XRCC4: variants seen among roughly 807,000 people sequenced by gnomAD.
The protein encoded by XRCC4 is DNA repair protein XRCC4.
In XRCC4, 28 loss-of-function variants were observed where a neutral mutation model predicts 39.1. The observed-to-expected ratio is 0.72, with a 90% CI of 0.53 to 0.98. The LOEUF (loss-of-function observed/expected upper bound fraction) is 0.98. Ranked by LOEUF, XRCC4 falls within the 50% of genes least tolerant of loss-of-function variation. The pLI is 0.00. For missense variants in XRCC4, 350 were observed against 376.4 expected (o/e 0.93, Z 0.58); for synonymous variants, 123 against 126.4 (o/e 0.97, Z 0.18).
chr5:83,204,842 T>C lies in XRCC4; in HGVS notation c.666T>C (p.Thr222=). The change falls in exon 6 of 8, where the codon ACT becomes ACC. Residue 222 remains threonine (T), a synonymous_variant. Transcript: ENST00000396027. ...EGETAICSEM[T]ADRDPVYDES... is the part of the protein sequence containing the mutation. Reference sequence around the variant, plus strand: ...AAACTGCAATCTGTTCTGAAATGACTGCTGACCGAGATCCAGTCTATGATG... The same window carrying C: ...AAACTGCAATCTGTTCTGAAATGACCGCTGACCGAGATCCAGTCTATGATG... 6.2e-7 allele frequency: 1 copy of C among 1,612,178 alleles called. No individual in the cohort carries two copies.
rs1444161703 is a variant in XRCC4, at chr5:83,339,989, TG to T, written c.894-13140del. On this transcript the variant is annotated intron_variant, in intron 7 of 7. Coordinates refer to ENST00000396027, the MANE Select transcript of XRCC4 (RefSeq NM_003401.5). ...CCCACAATAGACACTCAATAAATAG[TG>T]GATGGGGAAGTGATAGATGATAGTG... Among the ~76,000 whole-genome samples, 9 of 152,194 alleles carry T rather than the reference TG, an allele frequency of 5.9e-5. No homozygotes were observed. The East Asian group carries it at 1.7e-3, about 29-fold the overall frequency.
At chr5:83,330,900 CAT>C (rs145164959) in intron 7 of XRCC4, among the ~76,000 whole-genome samples, 2,550 of 152,034 alleles carry the variant, frequency 0.017, 69 homozygotes, top group African/African-American at 0.059. Flanking sequence ...TTTTGACTAA[CAT>C]AGGCAAACAG....
At chr5:83,327,589 A>C (rs994200810) in intron 7 of XRCC4, among the ~76,000 whole-genome samples, 2 of 152,068 alleles carry the variant, frequency 1.3e-5, no homozygotes, top group Non-Finnish European at 2.9e-5. Context: ...TATGTATATA[A>C]AATTTTCAAA....
At chr5:83,360,845 A>G in the XRCC4 span, among the ~76,000 whole-genome samples, 2 of 151,638 alleles carry the variant, frequency 1.3e-5, no homozygotes, top group African/African-American at 4.8e-5. Flanking sequence ...CTTGCTACCA[A>G]AAGCCACTGA....
At chr5:83,346,876 C>A (rs1005872392) in intron 7 of XRCC4, among the ~76,000 whole-genome samples, 22 of 152,078 alleles carry the variant, frequency 1.4e-4, no homozygotes, top group Non-Finnish European at 4.4e-5. Flanking sequence ...ATTAAGAACA[C>A]CCAAGTTTCT....
chr5:83,277,964 A>C (rs2112945493), intron 7 of XRCC4, among the ~76,000 whole-genome samples: 1 of 152,378 alleles, frequency 6.6e-6, no homozygotes, highest in Non-Finnish European at 1.5e-5. Flanking sequence ...AAAGCATTTA[A>C]TATTTTGTTT....
intron 3 of XRCC4, among the ~76,000 whole-genome samples, chr5:83,157,658 G>A (rs1162853312): frequency 6.6e-6 from 1 of 152,022 alleles, no homozygotes; most frequent in Non-Finnish European, 1.5e-5. Context: ...AGAAAGAAAA[G>A]AGTTGTTGGA....
At chr5:83,234,961 A>G (rs1336016622) in intron 6 of XRCC4, among the ~76,000 whole-genome samples, 3 of 151,620 alleles carry the variant, frequency 2.0e-5, no homozygotes, top group African/African-American at 7.2e-5. Flanking sequence ...TATGGTATCT[A>G]TCACATACTT....
At chr5:83,269,708 G>A (rs1296262800) in intron 7 of XRCC4, among the ~76,000 whole-genome samples, 1 of 151,984 alleles carries the variant, frequency 6.6e-6, no homozygotes. Flanking sequence ...TAATAAATAG[G>A]CCTTTTGTAT....
intron 6 of XRCC4, among the ~76,000 whole-genome samples, chr5:83,206,081 G>A (rs1340779162): frequency 5.3e-5 from 8 of 152,102 alleles, no homozygotes; most frequent in Admixed American, 5.2e-4. Flanking sequence ...GGGCGATATA[G>A]GCTACCATTA....
intron 6 of XRCC4, among the ~76,000 whole-genome samples, chr5:83,254,273 C>T (rs556389423): frequency 1.3e-5 from 2 of 152,188 alleles, no homozygotes; most frequent in Admixed American, 1.3e-4. Context: ...AACTTGCAAG[C>T]TGATTTAACA....
intron 1 of XRCC4, among the ~76,000 whole-genome samples, chr5:83,096,798 CAG>C (rs920958698): frequency 2.0e-5 from 3 of 152,152 alleles, no homozygotes; most frequent in African/African-American, 7.2e-5. Flanking sequence ...ATCTGAATGA[CAG>C]AACACTAAGG....
chr5:83,367,373 A>T, the XRCC4 span, among the ~76,000 whole-genome samples: 1 of 152,204 alleles, frequency 6.6e-6, no homozygotes, highest in Non-Finnish European at 1.5e-5. Flanking sequence ...TTAATTTTAA[A>T]TATTCAAAAT....
intron 6 of XRCC4, among the ~76,000 whole-genome samples, chr5:83,256,308 A>G (rs866587387): frequency 5.9e-5 from 9 of 152,242 alleles, no homozygotes; most frequent in South Asian, 2.1e-4. Flanking sequence ...ATTATAATAC[A>G]TGAGGTAATC....
At position 83,262,459 on chromosome 5, in the gene XRCC4, G is replaced by T. The variant is rs75424853; in HGVS notation, c.893+3782G>T. Among the ~76,000 whole-genome samples the T allele has an allele frequency of 8.2e-3, 1,253 of 152,076 alleles. 25 individuals carry two copies. The highest frequency in any genetic ancestry group is 0.029 in the African/African-American group (1,189 of 41,504). On this transcript the variant is annotated intron_variant, in intron 7 of 7. Coordinates refer to ENST00000396027, the MANE Select transcript of XRCC4 (RefSeq NM_003401.5). ...TATTTTATCTGAGAACCACTTTTTT[G>T]GGGGGTGGGGAAGCTTTCCTTTTAT... is the stretch of plus-strand genomic sequence containing the variant.
At chr5:83,318,254 G>A (rs200120758) in intron 7 of XRCC4, among the ~76,000 whole-genome samples, 42,442 of 109,854 alleles carry the variant, frequency 0.39, 9,943 homozygotes, top group East Asian at 0.85. Flanking sequence ...TATCATACTG[G>A]ATGGGCAAAA....
intron 1 of XRCC4, among the ~76,000 whole-genome samples, chr5:83,078,153 A>C (rs28383121): frequency 6.6e-6 from 1 of 152,370 alleles, no homozygotes; most frequent in East Asian, 1.9e-4. Context: ...AAAGAGATCA[A>C]CTGGCAAGAC....
chr5:83,239,151 G>A (rs1752805747), intron 6 of XRCC4, among the ~76,000 whole-genome samples: 1 of 152,172 alleles, frequency 6.6e-6, no homozygotes, highest in South Asian at 2.1e-4. Flanking sequence ...TGCCTGTTAG[G>A]TGTTGGGCCT....
intron 7 of XRCC4, among the ~76,000 whole-genome samples, chr5:83,346,526 C>G (rs1756922408): frequency 6.6e-6 from 1 of 152,116 alleles, no homozygotes; most frequent in African/African-American, 2.4e-5. Context: ...TAGGTGTTAC[C>G]TTCAAGCTAT....
Sources: gnomAD v4.1 joint callset for allele counts (sites outside exome capture counted in the v4.1 genomes callset) on GRCh38, gnomAD v4.1.1 for gene constraint, MANE v1.5 for transcripts, NCBI Gene and HGNC (gene_info 2026-07-23, HGNC 2026-07-21) for gene names.